Variants in FOLH1 observed in about 807,000 individuals in gnomAD.
The protein encoded by FOLH1 is glutamate carboxypeptidase 2.
A neutral mutation model predicts 93.9 loss-of-function variants in FOLH1; 54 were observed. The observed-to-expected ratio is 0.57, with a 90% CI of 0.46 to 0.72. The LOEUF is 0.72. FOLH1 is among the 30% of genes least tolerant of loss of function. The pLI is 0.00. For missense variants in FOLH1, 571 were observed against 892.5 expected (o/e 0.64, Z 4.59); for synonymous variants, 249 against 303.6 (o/e 0.82, Z 1.87).
chr11:49,176,196 T>A (rs1860017145), intron 7 of FOLH1, among the ~76,000 whole-genome samples: 1 of 152,144 alleles, frequency 6.6e-6, no homozygotes, highest in African/African-American at 2.4e-5. Context: ...TAGTAAATGG[T>A]ATAATTAAGA....
At chr11:49,153,311 A>G (rs1272594436) in intron 17 of FOLH1, among the ~76,000 whole-genome samples, 6 of 151,590 alleles carry the variant, frequency 4.0e-5, no homozygotes, top group African/African-American at 1.5e-4. Context: ...GATAAACAGA[A>G]TTTTGCCAGA....
Position 49,160,246 on chromosome 11 carries a change from A to T in FOLH1, c.1441-2203T>A, listed in dbSNP as rs910877845. 9.9e-5 allele frequency among the ~76,000 whole-genome samples: 15 copies of T among 151,866 alleles called. No homozygotes were observed. The East Asian group carries it at 1.6e-3, about 16-fold the overall frequency. ...TCTTTATTAGTCTAGTTAGCACTCT[A>T]TTTTTTATTAATTTTTTTCAAAAAA... On this transcript the variant is annotated intron_variant, in intron 13 of 18. Transcript: ENST00000256999.
At chr11:49,155,795 C>CATATATAT (rs10526900) in intron 15 of FOLH1, among the ~76,000 whole-genome samples, 2,199 of 51,192 alleles carry the variant, frequency 0.043, 165 homozygotes, top group Non-Finnish European at 0.066. Flanking sequence ...AAATGAAAAC[C>CATATATAT]ATATATATAT....
intron 3 of FOLH1, among the ~76,000 whole-genome samples, chr11:49,196,467 C>G (rs925352102): frequency 3.3e-5 from 5 of 152,000 alleles, no homozygotes; most frequent in African/African-American, 1.2e-4. Flanking sequence ...TTTTAGAAGG[C>G]AAGTAGAATA....
chr11:49,145,764 T>C lies in FOLH1; in HGVS notation c.*992A>G, dbSNP rs1855752952. On this transcript the variant is annotated 3_prime_UTR_variant, in exon 19 of 19. Transcript: ENST00000256999. ...ATATTACTAGACAATATTTCATTGT[T>C]CCAATGCTGTAACAATTAATAATTC... 6.6e-6 allele frequency among the ~76,000 whole-genome samples: 1 copy of C among 152,182 alleles called. No homozygotes were observed. The highest frequency in any genetic ancestry group is 1.5e-5 in the Non-Finnish European group (1 of 68,034).
intron 9 of FOLH1, among the ~76,000 whole-genome samples, chr11:49,173,928 C>A (rs764574636): frequency 6.6e-5 from 10 of 152,090 alleles, no homozygotes; most frequent in Non-Finnish European, 1.2e-4. Flanking sequence ...TAAGGTACAG[C>A]TCAAATATTT....
chr11:49,177,786 A>AG (rs1860251314), intron 7 of FOLH1, among the ~76,000 whole-genome samples: 2 of 26,052 alleles, frequency 7.7e-5, no homozygotes, highest in African/African-American at 1.4e-4. Flanking sequence ...CGTCTCTACT[A>AG]AAAAAAAAAA....
intron 1 of FOLH1, chr11:49,206,807 G>A (rs1362837559): frequency 1.1e-5 from 17 of 1,534,976 alleles, no homozygotes; most frequent in Non-Finnish European, 1.4e-5. Context: ...CCCAGTGCAC[G>A]CATAGGCGGC....
Position 49,153,827 on chromosome 11 carries a change from A to C in FOLH1, c.1970+19T>G. 5 of 1,515,880 alleles carry C rather than the reference A, an allele frequency of 3.3e-6. No homozygotes were observed. The highest frequency in any genetic ancestry group is 4.5e-6 in the Non-Finnish European group (5 of 1,109,236). The allele number at this position is 1,515,880 out of a possible 1,614,324, so 93.9% of individuals were successfully genotyped here. Reference sequence around the variant, plus strand: ...TATACACACACATACACACATATGCACATATATGTAGAACATACTTGCTTT... The same window carrying C: ...TATACACACACATACACACATATGCCCATATATGTAGAACATACTTGCTTT... On this transcript the variant is annotated intron_variant, in intron 17 of 18. Transcript: ENST00000256999.
At chr11:49,193,735 A>G (rs1190293889) in intron 3 of FOLH1, among the ~76,000 whole-genome samples, 3 of 152,230 alleles carry the variant, frequency 2.0e-5, no homozygotes, top group Non-Finnish European at 4.4e-5. Context: ...CAGAGGTAGC[A>G]CGAAATTTGG....
intron 4 of FOLH1, among the ~76,000 whole-genome samples, chr11:49,192,579 C>T (rs1862196872): frequency 6.6e-6 from 1 of 152,168 alleles, no homozygotes; most frequent in Non-Finnish European, 1.5e-5. Context: ...GGGATTTGTG[C>T]ATCTCATTGC....
chr11:49,165,349 T>C (rs916841551), intron 12 of FOLH1, among the ~76,000 whole-genome samples: 5 of 152,342 alleles, frequency 3.3e-5, no homozygotes, highest in African/African-American at 1.2e-4. Flanking sequence ...AGAACAATCC[T>C]AGAATCTGGC....
chr11:49,163,477 C>G (rs1180857950), intron 13 of FOLH1, among the ~76,000 whole-genome samples: 1 of 144,238 alleles, frequency 6.9e-6, no homozygotes, highest in African/African-American at 2.6e-5. Context: ...AGATGGCAGC[C>G]CACCCCTCCA....
In FOLH1 at chr11:49,183,129, A is replaced by G. The variant is rs778786843; in HGVS notation, c.920+20T>C. ...AAGAAAATTACCCAAATAGCCATCC[A>G]TGGTTTCTTACAAACTTACTCTAGG... is the stretch of plus-strand genomic sequence containing the variant. On this transcript the variant is annotated intron_variant, in intron 7 of 18. Coordinates refer to ENST00000256999, the MANE Select transcript of FOLH1 (RefSeq NM_004476.3). 3 of 1,575,202 alleles carry G rather than the reference A, an allele frequency of 1.9e-6. No homozygotes were observed. The highest frequency in any genetic ancestry group is 2.6e-6 in the Non-Finnish European group (3 of 1,162,172).
At chr11:49,189,108 TTTATAAAATAAGATGAAA>T (rs1175412269) in intron 4 of FOLH1, among the ~76,000 whole-genome samples, 1 of 152,188 alleles carries the variant, frequency 6.6e-6, no homozygotes, top group Non-Finnish European at 1.5e-5. Context: ...ATGTTTTTCA[TTTATAAAATAAGATGAAA>T]ATGCTTGTAA....
chr11:49,150,069 C>A (rs1373047697), intron 17 of FOLH1, among the ~76,000 whole-genome samples: 1 of 152,116 alleles, frequency 6.6e-6, no homozygotes, highest in East Asian at 1.9e-4. Flanking sequence ...AATTCCTCTG[C>A]CTCAGCTTCC....
Position 49,167,052 on chromosome 11 carries a change from A to C in FOLH1, c.1372+2143T>G, listed in dbSNP as rs572821926. On this transcript the variant is annotated intron_variant, in intron 12 of 18. Coordinates refer to ENST00000256999, the MANE Select transcript of FOLH1 (RefSeq NM_004476.3). ...ATAACAACAACAACAACAACAAAAAAAAACAGAAAAAAACTATCAATAAAG... is the reference window on the plus strand; with the variant it reads ...ATAACAACAACAACAACAACAAAAACAAACAGAAAAAAACTATCAATAAAG... Among the ~76,000 whole-genome samples, 201 of 152,170 alleles carry C rather than the reference A, an allele frequency of 1.3e-3. 1 individual carries two copies. The highest frequency in any genetic ancestry group is 4.5e-3 in the African/African-American group (188 of 41,550).
intron 18 of FOLH1, 67 bp downstream of exon 18, chr11:49,148,572 G>GA (rs1414586419): frequency 2.0e-5 from 25 of 1,259,934 alleles, no homozygotes; most frequent in Non-Finnish European, 2.4e-5. Flanking sequence ...TTTCCACAGT[G>GA]AAAAAAATAA....
intron 2 of FOLH1, among the ~76,000 whole-genome samples, chr11:49,201,518 A>G (rs1332614884): frequency 1.3e-5 from 2 of 151,628 alleles, no homozygotes; most frequent in African/African-American, 2.4e-5. Flanking sequence ...TTACTTTAAT[A>G]ATTATATTAA....
Sources: allele counts gnomAD v4.1 joint callset (sites outside exome capture counted in the v4.1 genomes callset), GRCh38; gene constraint gnomAD v4.1.1; transcripts MANE v1.5; gene names NCBI Gene and HGNC (gene_info 2026-07-23, HGNC 2026-07-21).